Variants in AGPAT4 observed in about 807,000 individuals in gnomAD.
The protein encoded by AGPAT4 is 1-acyl-sn-glycerol-3-phosphate acyltransferase delta.
A neutral mutation model predicts 48.0 loss-of-function variants in AGPAT4; 15 were observed. That is an observed-to-expected ratio of 0.31 (90% CI 0.21 to 0.48). The LOEUF (loss-of-function observed/expected upper bound fraction) is 0.48. Ranked by LOEUF, AGPAT4 falls within the 20% of genes least tolerant of loss-of-function variation. The pLI is 0.99. For missense variants in AGPAT4, 314 were observed against 482.5 expected (o/e 0.65, Z 3.27); for synonymous variants, 178 against 198.7 (o/e 0.90, Z 0.88).
intron 2 of AGPAT4, among the ~76,000 whole-genome samples, chr6:161,170,114 C>A (rs1780220575): frequency 6.6e-6 from 1 of 152,200 alleles, no homozygotes; most frequent in Non-Finnish European, 1.5e-5. Flanking sequence ...AGCCCATTCT[C>A]ATGAGGCTCC....
chr6:161,147,848 G>A lies in AGPAT4; in HGVS notation c.768-1249C>T. 6.6e-6 allele frequency among the ~76,000 whole-genome samples: 1 copy of A among 152,184 alleles called. No homozygotes were observed. ...ACATTATCGCCCTTGATGTTTCAGTGCTTTGTACTGATGTGTGTTCAGAAA... is the reference window on the plus strand; with the variant it reads ...ACATTATCGCCCTTGATGTTTCAGTACTTTGTACTGATGTGTGTTCAGAAA... On this transcript the variant is annotated intron_variant, in intron 6 of 8. Transcript: ENST00000320285. The surrounding 1 kb of genome is among the most constrained non-coding windows in gnomAD (Gnocchi z 4.8).
In AGPAT4 at chr6:161,234,498, C is replaced by T. The variant is rs573894528; in HGVS notation, c.-89-2196G>A. Among the ~76,000 whole-genome samples, 17 of 152,284 alleles carry T rather than the reference C, an allele frequency of 1.1e-4. No individual in the cohort carries two copies. In the South Asian group the frequency reaches 3.1e-3, roughly 28 times the overall value. ...ACTCCTTACTGAGTTTCAACACTCCCAGGCTCCCACTGAGGAATAGGCGTT... is the reference window on the plus strand; with the variant it reads ...ACTCCTTACTGAGTTTCAACACTCCTAGGCTCCCACTGAGGAATAGGCGTT... On this transcript the variant is annotated intron_variant, in intron 1 of 8. Transcript: ENST00000320285. This position sits in a 1 kb window ranked among gnomAD's most constrained non-coding sequence, Gnocchi z 4.4.
chr6:161,170,477 A>G lies in AGPAT4; in HGVS notation c.179-4060T>C, dbSNP rs1030807504. Among the ~76,000 whole-genome samples, 189 of 35,172 alleles carry G rather than the reference A, an allele frequency of 5.4e-3. 2 individuals are homozygous for G. The Middle Eastern group carries it at 0.058, about 11-fold the overall frequency. 23.1% of individuals were successfully genotyped at this position (35,172 alleles called of 152,430 possible). The stretch of plus-strand genomic sequence containing the variant: ...CGCGTGCACACGTGCGCGCGCGCAC[A>G]CACACACACACACACACACACACAC... On this transcript the variant is annotated intron_variant, in intron 2 of 8. Transcript: ENST00000320285.
chr6:161,183,798 G>A (rs544677312), intron 2 of AGPAT4, among the ~76,000 whole-genome samples: 32 of 150,846 alleles, frequency 2.1e-4, no homozygotes, highest in African/African-American at 6.1e-4. Flanking sequence ...CAGATGACGC[G>A]TATATGAGAA....
At position 161,140,155 on chromosome 6, in the gene AGPAT4, C is replaced by T. The variant is rs935078822; in HGVS notation, c.844-535G>A. Among the ~76,000 whole-genome samples, 4 of 152,074 alleles carry T rather than the reference C, an allele frequency of 2.6e-5. No individual in the cohort carries two copies. The highest frequency in any genetic ancestry group is 2.6e-4 in the Admixed American group (4 of 15,236). Reference sequence around the variant, plus strand: ...TTCACCTCGGGCAGCCCACCCGCACCTACCACCCTGTTTGCCACTGGAGGG... The same window carrying T: ...TTCACCTCGGGCAGCCCACCCGCACTTACCACCCTGTTTGCCACTGGAGGG... On this transcript the variant is annotated intron_variant, in intron 7 of 8. Transcript: ENST00000320285. This position sits in a 1 kb window ranked among gnomAD's most constrained non-coding sequence, Gnocchi z 6.5.
In AGPAT4 at chr6:161,133,223, G is replaced by T. The variant is rs566238250; in HGVS notation, c.*3317C>A. ...CAGACCACTCCTCCACTCCAGTGGG[G>T]CCTTTTTTGTGTCTTTCACATCACT... On this transcript the variant is annotated 3_prime_UTR_variant, in exon 9 of 9. Coordinates refer to ENST00000320285, the MANE Select transcript of AGPAT4 (RefSeq NM_020133.3). 1 of 152,322 alleles carries T rather than the reference G, an allele frequency of 6.6e-6. No homozygotes were observed. The highest frequency in any genetic ancestry group is 1.9e-4 in the East Asian group (1 of 5,184). The allele number at this position is 152,322 out of a possible 1,614,324, so 9.4% of individuals were successfully genotyped here. A position where few individuals can be genotyped will look rare whatever the true frequency, so the allele number is the denominator to read the frequency against.
In AGPAT4 at chr6:161,144,203, G is replaced by A. The variant is rs763046940; in HGVS notation, c.843+2321C>T. The A allele has an allele frequency of 3.8e-6, 2 of 532,966 alleles. No homozygotes were observed. The highest frequency in any genetic ancestry group is 7.7e-6 in the Non-Finnish European group (2 of 259,836). The allele number at this position is 532,966 out of a possible 1,614,324, so 33.0% of individuals were successfully genotyped here. A position where few individuals can be genotyped will look rare whatever the true frequency, so the allele number is the denominator to read the frequency against. On this transcript the variant is annotated intron_variant, in intron 7 of 8. Coordinates refer to ENST00000320285, the MANE Select transcript of AGPAT4 (RefSeq NM_020133.3). The surrounding 1 kb of genome is among the most constrained non-coding windows in gnomAD (Gnocchi z 6.6). ...TCAGCGATCTTCTCGGAAGGGCAAA[G>A]GGCCAGCCTCCCAGGCCTGCTCACA...
intron 3 of AGPAT4, among the ~76,000 whole-genome samples, chr6:161,156,759 G>A (rs548975157): frequency 4.6e-4 from 70 of 152,344 alleles, no homozygotes; most frequent in Non-Finnish European, 7.8e-4. Flanking sequence ...GAAGGTTGTG[G>A]GTTTACCAGA....
At chr6:161,151,985 CCTT>C (rs1278531356) in intron 5 of AGPAT4, among the ~76,000 whole-genome samples, 1 of 152,210 alleles carries the variant, frequency 6.6e-6, no homozygotes, top group Non-Finnish European at 1.5e-5. Flanking sequence ...GTGCCGCTGA[CCTT>C]CTAAGAGGCT....
At position 161,271,349 on chromosome 6, in the gene AGPAT4, T is replaced by C. The variant is rs551858150; in HGVS notation, c.-90+2589A>G. On this transcript the variant is annotated intron_variant, in intron 1 of 8. Transcript: ENST00000320285. ...CTCTCTAGTATTCTTCTCATACTAA[T>C]TGCGTCTCCTTGACTGGCTGTTGCC... Among the ~76,000 whole-genome samples, 4 of 152,344 alleles carry C rather than the reference T, an allele frequency of 2.6e-5. No individual in the cohort carries two copies. In the South Asian group the frequency reaches 8.3e-4, roughly 32 times the overall value.
chr6:161,194,137 T>G (rs192266497), intron 2 of AGPAT4, among the ~76,000 whole-genome samples: 44 of 152,328 alleles, frequency 2.9e-4, no homozygotes, highest in Admixed American at 2.7e-3. Flanking sequence ...GTTTTGAAGA[T>G]TTCCAACAAA....
At chr6:161,209,967 A>T (rs559161582) in intron 2 of AGPAT4, among the ~76,000 whole-genome samples, 7 of 152,184 alleles carry the variant, frequency 4.6e-5, no homozygotes, top group African/African-American at 1.4e-4. Flanking sequence ...GTTGCAACAG[A>T]GGTTATTCTT....
In AGPAT4 at chr6:161,218,650, A is replaced by G. The variant is rs1781723603; in HGVS notation, c.178+13386T>C. Among the ~76,000 whole-genome samples the G allele has an allele frequency of 6.6e-6, 1 of 152,186 alleles. No homozygotes were observed. The highest frequency in any genetic ancestry group is 1.5e-5 in the Non-Finnish European group (1 of 68,034). On this transcript the variant is annotated intron_variant, in intron 2 of 8. Transcript: ENST00000320285. This position sits in a 1 kb window ranked among gnomAD's most constrained non-coding sequence, Gnocchi z 4.7. ...TCCACGGCCCTAGCACAGTGTATCC[A>G]CATCAAATCTACTCAAAAACAGCCA...
Position 161,244,194 on chromosome 6 carries a change from T to C in AGPAT4, c.-89-11892A>G, listed in dbSNP as rs1259071317. ...TACAGCGAGGAGCTGACGACACAAT[T>C]CTAACAAATACAGAAGACGCAAAGA... On this transcript the variant is annotated intron_variant, in intron 1 of 8. Coordinates refer to ENST00000320285, the MANE Select transcript of AGPAT4 (RefSeq NM_020133.3). This position sits in a 1 kb window ranked among gnomAD's most constrained non-coding sequence, Gnocchi z 4.7. 6.6e-6 allele frequency among the ~76,000 whole-genome samples: 1 copy of C among 152,100 alleles called. No homozygotes were observed. Among genetic ancestry groups the C allele is most frequent in the African/African-American group, 2.4e-5 (1 of 41,430 alleles).
At position 161,135,769 on chromosome 6, in the gene AGPAT4, T is replaced by C. The variant is rs1779043130; in HGVS notation, c.*771A>G. 6.6e-6 allele frequency: 1 copy of C among 152,234 alleles called. No homozygotes were observed. The highest frequency in any genetic ancestry group is 2.4e-5 in the African/African-American group (1 of 41,426). 9.4% of individuals were successfully genotyped at this position (152,234 alleles called of 1,614,324 possible). Reference sequence around the variant, plus strand: ...TTTCAAGATCCATTTCTTCAGGGAGTTGGGTCCATCTTCAAGACTTACGCC... The same window carrying C: ...TTTCAAGATCCATTTCTTCAGGGAGCTGGGTCCATCTTCAAGACTTACGCC... On this transcript the variant is annotated 3_prime_UTR_variant, in exon 9 of 9. Coordinates refer to ENST00000320285, the MANE Select transcript of AGPAT4 (RefSeq NM_020133.3).
rs1304529450 is a variant in AGPAT4 at position 161,155,351 on chromosome 6, T to C, written c.349-1041A>G. ...CCTTGATCAGTGGGTCGATGACTGA[T>C]CAATGGGATATCAGCGGTCAGGGCA... On this transcript the variant is annotated intron_variant, in intron 3 of 8. Coordinates refer to ENST00000320285, the MANE Select transcript of AGPAT4 (RefSeq NM_020133.3). This position sits in a 1 kb window ranked among gnomAD's most constrained non-coding sequence, Gnocchi z 5.8. Among the ~76,000 whole-genome samples the C allele has an allele frequency of 6.6e-6, 1 of 152,168 alleles. No individual in the cohort carries two copies. The highest frequency in any genetic ancestry group is 1.5e-5 in the Non-Finnish European group (1 of 68,014).
rs539289106 is a variant in AGPAT4 at position 161,241,953 on chromosome 6, G to A, written c.-89-9651C>T. 9.2e-5 allele frequency among the ~76,000 whole-genome samples: 14 copies of A among 152,256 alleles called. No individual in the cohort carries two copies. In the South Asian group the frequency reaches 2.9e-3, roughly 32 times the overall value. ...TCACCATGTTGGCCAGGCTGGTCTC[G>A]AACTCCTGATCTCAAGTGATCCGCC... On this transcript the variant is annotated intron_variant, in intron 1 of 8. Transcript: ENST00000320285.
At position 161,166,871 on chromosome 6, in the gene AGPAT4, C is replaced by A. The variant is rs1326236824; in HGVS notation, c.179-454G>T. On this transcript the variant is annotated intron_variant, in intron 2 of 8. Transcript: ENST00000320285. This position sits in a 1 kb window ranked among gnomAD's most constrained non-coding sequence, Gnocchi z 6.7. Reference sequence around the variant, plus strand: ...CTCTCCCATTTCTGACACTTGAGGGCAGGGGAAGAATGGAGAACGGCAGAT... The same window carrying A: ...CTCTCCCATTTCTGACACTTGAGGGAAGGGGAAGAATGGAGAACGGCAGAT... Among the ~76,000 whole-genome samples, 1 of 152,122 alleles carries A rather than the reference C, an allele frequency of 6.6e-6. No individual in the cohort carries two copies. Among genetic ancestry groups the A allele is most frequent in the Non-Finnish European group, 1.5e-5 (1 of 68,024 alleles).
At chr6:161,199,736 C>A (rs1781171964) in intron 2 of AGPAT4, among the ~76,000 whole-genome samples, 1 of 152,174 alleles carries the variant, frequency 6.6e-6, no homozygotes, top group African/African-American at 2.4e-5. Context: ...GCACCTCCCC[C>A]TTTACTCTCT....
Sources: allele counts gnomAD v4.1 joint callset (sites outside exome capture counted in the v4.1 genomes callset), GRCh38; gene constraint gnomAD v4.1.1; non-coding constraint Gnocchi (gnomAD v3.1); transcripts MANE v1.5; gene names NCBI Gene and HGNC (gene_info 2026-07-23, HGNC 2026-07-21).